ARB2A: variants seen among roughly 807,000 people sequenced by gnomAD.
ARB2A encodes the protein ARB2 cotranscriptional regulator A.
chr5:93,868,067 C>T, the ARB2A span, among the ~76,000 whole-genome samples: 1 of 152,174 alleles, frequency 6.6e-6, no homozygotes, highest in Admixed American at 6.5e-5. Flanking sequence ...CACCTGTAAT[C>T]TCAGCCCTTT....
the ARB2A span, among the ~76,000 whole-genome samples, chr5:93,949,779 T>G: frequency 6.6e-6 from 1 of 151,990 alleles, no homozygotes; most frequent in African/African-American, 2.4e-5. Flanking sequence ...TTAACTATCC[T>G]CCCTCCCCTA....
At chr5:93,842,001 G>T in the ARB2A span, among the ~76,000 whole-genome samples, 1 of 152,082 alleles carries the variant, frequency 6.6e-6, no homozygotes, top group Admixed American at 6.6e-5. Flanking sequence ...TTAATTTTCT[G>T]CCATTTATTA....
the ARB2A span, among the ~76,000 whole-genome samples, chr5:93,714,845 A>C: frequency 6.6e-6 from 1 of 152,198 alleles, no homozygotes; most frequent in African/African-American, 2.4e-5. Flanking sequence ...TGATAAGTAC[A>C]TTATTCAATC....
chr5:93,715,367 C>T, the ARB2A span, among the ~76,000 whole-genome samples: 2 of 152,136 alleles, frequency 1.3e-5, no homozygotes, highest in South Asian at 4.2e-4. Context: ...TGATGCAGTC[C>T]CCTTAAGTCA....
the ARB2A span, chr5:93,736,473 T>C: frequency 6.6e-6 from 1 of 152,208 alleles, no homozygotes; most frequent in Non-Finnish European, 1.5e-5. Flanking sequence ...TTGTGGACTA[T>C]GGAAGATCTG....
the ARB2A span, among the ~76,000 whole-genome samples, chr5:93,715,212 T>A: frequency 6.6e-6 from 1 of 152,198 alleles, no homozygotes; most frequent in South Asian, 2.1e-4. Flanking sequence ...AGTACAAACG[T>A]GAGGACAGCA....
At chr5:94,089,976 A>G in the ARB2A span, among the ~76,000 whole-genome samples, 62 of 152,338 alleles carry the variant, frequency 4.1e-4, no homozygotes, top group East Asian at 0.012. Flanking sequence ...GATTTAATCA[A>G]TGAACCAACA....
the ARB2A span, among the ~76,000 whole-genome samples, chr5:93,997,967 CA>C: frequency 1.3e-5 from 2 of 151,678 alleles, no homozygotes; most frequent in Non-Finnish European, 2.9e-5. Flanking sequence ...CAAATGCACC[CA>C]AAAAGATTCC....
At chr5:93,676,893 G>C in the ARB2A span, among the ~76,000 whole-genome samples, 1 of 152,152 alleles carries the variant, frequency 6.6e-6, no homozygotes, top group Non-Finnish European at 1.5e-5. Context: ...TGAAGGAAAT[G>C]AAAGCAGTAT....
chr5:93,642,122 T>G, the ARB2A span, among the ~76,000 whole-genome samples: 1 of 151,858 alleles, frequency 6.6e-6, no homozygotes, highest in African/African-American at 2.4e-5. Context: ...CTGGGACCAC[T>G]GGCATGCACC....
At chr5:93,872,937 A>T in the ARB2A span, among the ~76,000 whole-genome samples, 1 of 152,020 alleles carries the variant, frequency 6.6e-6, no homozygotes, top group Non-Finnish European at 1.5e-5. Flanking sequence ...GAAAGAAAAA[A>T]AATAATGGCT....
the ARB2A span, among the ~76,000 whole-genome samples, chr5:94,081,885 C>G: frequency 6.6e-6 from 1 of 152,052 alleles, no homozygotes; most frequent in Non-Finnish European, 1.5e-5. Context: ...TCTTGACTGT[C>G]TCACTAACCA....
At chr5:93,977,309 A>C in the ARB2A span, among the ~76,000 whole-genome samples, 1 of 152,012 alleles carries the variant, frequency 6.6e-6, no homozygotes, top group East Asian at 1.9e-4. Context: ...CCTAAGCAAA[A>C]AAAAATAAAA....
At chr5:93,788,389 C>T in the ARB2A span, among the ~76,000 whole-genome samples, 1 of 152,152 alleles carries the variant, frequency 6.6e-6, no homozygotes. Flanking sequence ...CTGCTCCCTT[C>T]CGTGTGCAGT....
At chr5:93,629,246 C>T in the ARB2A span, among the ~76,000 whole-genome samples, 1 of 152,142 alleles carries the variant, frequency 6.6e-6, no homozygotes, top group African/African-American at 2.4e-5. Flanking sequence ...ACTTTGCCAT[C>T]TTCTATGGGC....
At chr5:93,750,875 G>A in the ARB2A span, among the ~76,000 whole-genome samples, 2 of 151,990 alleles carry the variant, frequency 1.3e-5, no homozygotes, top group East Asian at 1.9e-4. Flanking sequence ...AACTGAGAAG[G>A]AGAAGTTTAG....
At chr5:93,763,020 C>A in the ARB2A span, among the ~76,000 whole-genome samples, 2 of 152,050 alleles carry the variant, frequency 1.3e-5, no homozygotes, top group East Asian at 3.9e-4. Flanking sequence ...TTGTCACCAA[C>A]TGCCCTAAAA....
At chr5:93,754,355 T>G in the ARB2A span, among the ~76,000 whole-genome samples, 1 of 152,216 alleles carries the variant, frequency 6.6e-6, no homozygotes, top group African/African-American at 2.4e-5. Flanking sequence ...CTTCATCTAT[T>G]GCAGTTCACT....
chr5:93,892,666 T>C, the ARB2A span, among the ~76,000 whole-genome samples: 1 of 152,186 alleles, frequency 6.6e-6, no homozygotes, highest in Non-Finnish European at 1.5e-5. Context: ...GTTGAGTGAC[T>C]TGAATTTCCT....
Sources: gnomAD v4.1 joint callset for allele counts (sites outside exome capture counted in the v4.1 genomes callset) on GRCh38, gnomAD v4.1.1 for gene constraint, MANE v1.5 for transcripts, NCBI Gene and HGNC (gene_info 2026-07-23, HGNC 2026-07-21) for gene names.